The following DLG2 variants were observed in gnomAD, a reference collection of about 807,000 sequenced individuals.
The protein encoded by DLG2 is discs large MAGUK scaffold protein 2.
In DLG2, 45 loss-of-function variants were observed where a neutral mutation model predicts 132.5. The observed-to-expected ratio is 0.34, with a 90% CI of 0.27 to 0.44. DLG2 has a LOEUF of 0.44. Among genes scored for constraint, DLG2 ranks in the 20% least tolerant of loss-of-function variants. The pLI is 1.00. For synonymous variants in DLG2, 424 were observed against 419.6 expected, an observed-to-expected ratio of 1.01 and a Z score of -0.13; for missense variants, 1,045 against 1,196.9, an observed-to-expected ratio of 0.87 and a Z score of 1.87.
intron 6 of DLG2, among the ~76,000 whole-genome samples, chr11:84,960,644 GC>G: frequency 6.6e-6 from 1 of 152,028 alleles, no homozygotes; most frequent in Non-Finnish European, 1.5e-5. Flanking sequence ...TCACCGTATT[GC>G]CCAGGTTGGT....
intron 6 of DLG2, among the ~76,000 whole-genome samples, chr11:84,894,268 G>T (rs534862191): frequency 6.6e-6 from 1 of 152,038 alleles, no homozygotes; most frequent in Admixed American, 6.6e-5. Context: ...GTTCCTAGGA[G>T]GACAGTATTT....
At chr11:83,465,661 G>T (rs2090890645) in intron 26 of DLG2, among the ~76,000 whole-genome samples, 1 of 152,060 alleles carries the variant, frequency 6.6e-6, no homozygotes, top group Non-Finnish European at 1.5e-5. Context: ...AATAATAATA[G>T]GTATTATTTA....
At chr11:83,659,993 T>G (rs968207220) in intron 18 of DLG2, among the ~76,000 whole-genome samples, 3 of 152,220 alleles carry the variant, frequency 2.0e-5, no homozygotes, top group East Asian at 1.9e-4. Flanking sequence ...AATATCTGCT[T>G]AAGCACTGTG....
At chr11:84,326,206 AT>A (rs927338374) in intron 7 of DLG2, among the ~76,000 whole-genome samples, 6 of 151,670 alleles carry the variant, frequency 4.0e-5, no homozygotes, top group South Asian at 2.1e-4. Flanking sequence ...AGTTTCAATG[AT>A]TTTTTTCTTT....
Position 84,821,887 on chromosome 11 carries a change from T to A in DLG2, c.358-287156A>T, listed in dbSNP as rs116810906. Among the ~76,000 whole-genome samples, 256 of 151,932 alleles carry A rather than the reference T, an allele frequency of 1.7e-3. 1 individual carries two copies. Among genetic ancestry groups the A allele is most frequent in the African/African-American group, 5.9e-3 (243 of 41,522 alleles). Reference sequence around the variant, plus strand: ...GATGGAAAACAATGCTAACTTTTTTTAATCATATCAAACAAGAAACAAGCA... The same window carrying A: ...GATGGAAAACAATGCTAACTTTTTTAAATCATATCAAACAAGAAACAAGCA... On this transcript the variant is annotated intron_variant, in intron 6 of 27. Coordinates refer to ENST00000376104, the MANE Select transcript of DLG2 (RefSeq NM_001142699.3).
At chr11:84,528,087 A>G (rs1343538342) in intron 7 of DLG2, among the ~76,000 whole-genome samples, 5 of 152,176 alleles carry the variant, frequency 3.3e-5, no homozygotes, top group Non-Finnish European at 7.4e-5. Context: ...AAATCATTTC[A>G]CTGCTCTTTG....
chr11:85,065,346 C>G (rs1268986664), intron 6 of DLG2, among the ~76,000 whole-genome samples: 1 of 151,106 alleles, frequency 6.6e-6, no homozygotes, highest in African/African-American at 2.4e-5. Flanking sequence ...TTTTAAAACC[C>G]CTTGATGGCT....
chr11:83,910,771 A>G (rs886951242), intron 15 of DLG2, among the ~76,000 whole-genome samples: 1 of 152,164 alleles, frequency 6.6e-6, no homozygotes, highest in African/African-American at 2.4e-5. Flanking sequence ...TACTTTGAGA[A>G]GACATTTCAG....
intron 21 of DLG2, among the ~76,000 whole-genome samples, chr11:83,506,930 T>C (rs978645659): frequency 7.9e-5 from 12 of 152,106 alleles, no homozygotes; most frequent in African/African-American, 1.9e-4. Flanking sequence ...ATCTTTCACA[T>C]AGGAGATGAG....
chr11:85,265,281 T>C (rs957530298), intron 4 of DLG2, among the ~76,000 whole-genome samples: 2 of 152,226 alleles, frequency 1.3e-5, no homozygotes, highest in Non-Finnish European at 2.9e-5. Flanking sequence ...CTTCCATTTA[T>C]TTAACACACA....
chr11:83,767,875 T>G (rs2094210024), intron 18 of DLG2, among the ~76,000 whole-genome samples: 1 of 152,176 alleles, frequency 6.6e-6, no homozygotes, highest in Non-Finnish European at 1.5e-5. Context: ...TTTTCACAGA[T>G]GAGAAATCTG....
intron 11 of DLG2, among the ~76,000 whole-genome samples, chr11:84,056,697 G>A (rs2096506829): frequency 6.6e-6 from 1 of 152,152 alleles, no homozygotes; most frequent in Non-Finnish European, 1.5e-5. Flanking sequence ...GTAAAATCCA[G>A]TTTAAGTATT....
chr11:84,463,592 C>A (rs575600831), intron 7 of DLG2, among the ~76,000 whole-genome samples: 1 of 151,042 alleles, frequency 6.6e-6, no homozygotes, highest in Non-Finnish European at 1.5e-5. Flanking sequence ...TGAAACTGCC[C>A]CCACTATCTG....
chr11:85,583,130 G>GTGTGTGTATATA (rs1555190569), intron 3 of DLG2, among the ~76,000 whole-genome samples: 28 of 13,596 alleles, frequency 2.1e-3, no homozygotes, highest in South Asian at 4.3e-3. Context: ...GTGTGTGTGT[G>GTGTGTGTATATA]TATATATATA....
chr11:85,291,210 G>A (rs1004958876), intron 3 of DLG2, among the ~76,000 whole-genome samples: 3 of 152,052 alleles, frequency 2.0e-5, no homozygotes, highest in Non-Finnish European at 4.4e-5. Flanking sequence ...AAGAAAATAC[G>A]ATTCTTAAAT....
intron 18 of DLG2, among the ~76,000 whole-genome samples, chr11:83,685,055 C>T (rs1341117911): frequency 6.6e-6 from 1 of 152,072 alleles, no homozygotes; most frequent in African/African-American, 2.4e-5. Flanking sequence ...TGACAATATA[C>T]AAAACTTTAT....
At chr11:83,980,421 G>T in intron 12 of DLG2, 85 bp downstream of exon 12, 1 of 1,399,172 alleles carries the variant, frequency 7.1e-7, no homozygotes, top group Non-Finnish European at 9.5e-7. Context: ...TTTTGTGATG[G>T]CAGCCTGAAC....
intron 3 of DLG2, among the ~76,000 whole-genome samples, chr11:85,511,514 C>A (rs1457182119): frequency 6.6e-6 from 1 of 151,984 alleles, no homozygotes; most frequent in South Asian, 2.1e-4. Context: ...ACCCATCTAA[C>A]AATAAAATGG....
chr11:83,465,035 A>G (rs1019633513), intron 26 of DLG2, among the ~76,000 whole-genome samples: 1 of 152,176 alleles, frequency 6.6e-6, no homozygotes, highest in Non-Finnish European at 1.5e-5. Flanking sequence ...AATTTAATAC[A>G]TGCTATTGGG....
Sources: allele counts gnomAD v4.1 joint callset (sites outside exome capture counted in the v4.1 genomes callset), GRCh38; gene constraint gnomAD v4.1.1; transcripts MANE v1.5; gene names NCBI Gene and HGNC (gene_info 2026-07-23, HGNC 2026-07-21).